The following LHCGR variants were observed in gnomAD, a reference collection of about 807,000 sequenced individuals.
LHCGR encodes the protein lutropin-choriogonadotropic hormone receptor.
Under a neutral mutation model 60.7 loss-of-function variants are expected in LHCGR, and 55 were observed. The ratio of observed to expected loss-of-function variants is 0.91; its 90% CI spans 0.73 to 1.13. The LOEUF is 1.13. Among genes scored for constraint, LHCGR ranks in the 50% most tolerant of loss-of-function variants. The pLI is 0.00. For synonymous variants in LHCGR, 337 were observed against 316.5 expected (o/e 1.06, Z -0.69); for missense variants, 862 against 836.0 (o/e 1.03, Z -0.38).
chr2:48,688,776 G>T lies in LHCGR; in HGVS notation c.1021C>A (p.Pro341Thr). The stretch of plus-strand genomic sequence containing the variant: ...GCATCTGGTTCAGGAGCACATCGGG[G>T]TGTCTTGGGTAAGCAGAAACCATAT... ...YEYGFCLPKTPRCAPEPDAFN... is the reference protein window; with the variant it reads ...YEYGFCLPKTTRCAPEPDAFN... The change falls in exon 11 of 11, where the codon CCC (proline) becomes ACC (threonine). Residue 341 changes from proline to threonine, a missense_variant. Physicochemically the swap from Pro to Thr is conservative, Grantham distance 38 (BLOSUM62 -1). Transcript: ENST00000294954. This position sits in a 1 kb window ranked among gnomAD's most constrained non-coding sequence, Gnocchi z 5.2. 1.2e-6 allele frequency: 2 copies of T among 1,614,128 alleles called. No individual in the cohort carries two copies. Among genetic ancestry groups the T allele is most frequent in the Non-Finnish European group, 1.7e-6 (2 of 1,180,020 alleles).
At chr2:48,751,749 G>T (rs1669965634) in intron 1 of LHCGR, among the ~76,000 whole-genome samples, 1 of 152,180 alleles carries the variant, frequency 6.6e-6, no homozygotes, top group Non-Finnish European at 1.5e-5. Flanking sequence ...AGTAATCATG[G>T]TTTTTGCCAT....
At chr2:48,714,104 A>T (rs745344824) in intron 6 of LHCGR, 50 bp from the exon 7 acceptor site, 2 of 1,353,602 alleles carry the variant, frequency 1.5e-6, no homozygotes, top group African/African-American at 2.9e-5. Context: ...TGAAAGAAAC[A>T]GTTTGGAAAC....
At chr2:48,703,309 T>G (rs1667500084) in intron 8 of LHCGR, among the ~76,000 whole-genome samples, 1 of 152,256 alleles carries the variant, frequency 6.6e-6, no homozygotes. Context: ...TGGCTTTTGT[T>G]GCCATTGCTT....
chr2:48,744,053 GACAA>G (rs1396544412), intron 1 of LHCGR, among the ~76,000 whole-genome samples: 33 of 91,160 alleles, frequency 3.6e-4, no homozygotes, highest in South Asian at 6.4e-4. Flanking sequence ...ACCAACAACA[GACAA>G]ACAGAGAGCC....
rs115273440 is a variant in LHCGR, at chr2:48,719,579, G to C, written c.536+3877C>G. On this transcript the variant is annotated intron_variant, in intron 6 of 10. Coordinates refer to ENST00000294954, the MANE Select transcript of LHCGR (RefSeq NM_000233.4). The stretch of plus-strand genomic sequence containing the variant: ...CTAAATTCTGCTTATTTGGGAAGGA[G>C]GGGCATTTCAAGGTGGCCTCTTGAG... Among the ~76,000 whole-genome samples, 727 of 152,318 alleles carry C rather than the reference G, an allele frequency of 4.8e-3. 4 individuals are homozygous for C. Among genetic ancestry groups the C allele is most frequent in the African/African-American group, 0.016 (675 of 41,566 alleles).
intron 1 of LHCGR, among the ~76,000 whole-genome samples, chr2:48,743,714 A>G (rs1483574310): frequency 6.6e-6 from 1 of 152,140 alleles, no homozygotes; most frequent in Non-Finnish European, 1.5e-5. Context: ...AGAGCTATCT[A>G]TGACAAACCC....
intron 1 of LHCGR, among the ~76,000 whole-genome samples, chr2:48,733,710 A>T (rs1384105102): frequency 2.0e-5 from 3 of 151,820 alleles, no homozygotes; most frequent in African/African-American, 7.3e-5. Context: ...CCATGAGGCA[A>T]CACAGAGAAT....
At chr2:48,737,602 G>C (rs1358985939) in intron 1 of LHCGR, among the ~76,000 whole-genome samples, 5 of 152,186 alleles carry the variant, frequency 3.3e-5, no homozygotes, top group African/African-American at 1.2e-4. Flanking sequence ...CTATTTGGTG[G>C]CTTCATTACA....
chr2:48,709,728 G>A lies in LHCGR; in HGVS notation c.606-706C>T, dbSNP rs1667884182. 2.0e-5 allele frequency among the ~76,000 whole-genome samples: 3 copies of A among 152,188 alleles called. No individual in the cohort carries two copies. The South Asian group carries it at 6.2e-4, about 31-fold the overall frequency. The stretch of plus-strand genomic sequence containing the variant: ...ATGGAAGTAGCTCCCTGAGGGCTCT[G>A]CTGCCTTGAGCTCAAAGTCATTCAG... On this transcript the variant is annotated intron_variant, in intron 7 of 10. Transcript: ENST00000294954.
At chr2:48,700,628 C>T (rs1215002859) in intron 8 of LHCGR, among the ~76,000 whole-genome samples, 1 of 152,188 alleles carries the variant, frequency 6.6e-6, no homozygotes, top group Non-Finnish European at 1.5e-5. Flanking sequence ...AAGTAGATGG[C>T]CAGCTTGCTG....
intron 1 of LHCGR, among the ~76,000 whole-genome samples, chr2:48,745,048 C>T (rs1375170329): frequency 6.6e-6 from 1 of 152,142 alleles, no homozygotes; most frequent in South Asian, 2.1e-4. Flanking sequence ...CATGAACAGA[C>T]ACTTCTCAAA....
At chr2:48,753,540 C>A (rs566970820) in intron 1 of LHCGR, among the ~76,000 whole-genome samples, 138 of 152,284 alleles carry the variant, frequency 9.1e-4, no homozygotes, top group African/African-American at 3.2e-3. Context: ...TACCCCCAAA[C>A]CTAGTCAGCC....
chr2:48,710,077 G>A (rs879871523), intron 7 of LHCGR, among the ~76,000 whole-genome samples: 10 of 152,034 alleles, frequency 6.6e-5, no homozygotes, highest in South Asian at 2.1e-4. Flanking sequence ...CCCATTCCCC[G>A]CCTTCATTGC....
chr2:48,738,603 C>T (rs1669301996), intron 1 of LHCGR, among the ~76,000 whole-genome samples: 1 of 152,190 alleles, frequency 6.6e-6, no homozygotes, highest in African/African-American at 2.4e-5. Context: ...TTGTATCACC[C>T]ACTCTTGCCC....
At chr2:48,720,254 C>T (rs1381229069) in intron 6 of LHCGR, 1 of 152,090 alleles carries the variant, frequency 6.6e-6, no homozygotes, top group Non-Finnish European at 1.5e-5. Flanking sequence ...CGTGGGGTGG[C>T]CCAGTCTTGT....
intron 4 of LHCGR, 39 bp downstream of exon 4, chr2:48,725,637 C>A (rs769979222): frequency 2.8e-5 from 40 of 1,403,858 alleles, no homozygotes; most frequent in Non-Finnish European, 3.9e-5. Context: ...AGATGCCCAT[C>A]TTCCCCTCCC....
chr2:48,747,667 A>T (rs974263415), intron 1 of LHCGR, among the ~76,000 whole-genome samples: 7 of 152,004 alleles, frequency 4.6e-5, no homozygotes, highest in African/African-American at 1.7e-4. Flanking sequence ...GACTCCTTGT[A>T]AATCTAGGGG....
intron 3 of LHCGR, among the ~76,000 whole-genome samples, chr2:48,728,453 A>G (rs552463608): frequency 6.6e-6 from 1 of 152,312 alleles, no homozygotes; most frequent in African/African-American, 2.4e-5. Flanking sequence ...GCGCCTGAGT[A>G]AAAGCAGCAG....
chr2:48,690,149 T>C (rs1680153836), intron 10 of LHCGR, among the ~76,000 whole-genome samples: 1 of 152,194 alleles, frequency 6.6e-6, no homozygotes, highest in Non-Finnish European at 1.5e-5. Context: ...TAATTTCACT[T>C]ATCGAATTCA....
Sources: allele counts gnomAD v4.1 joint callset (sites outside exome capture counted in the v4.1 genomes callset), GRCh38; gene constraint gnomAD v4.1.1; non-coding constraint Gnocchi (gnomAD v3.1); transcripts MANE v1.5; gene names NCBI Gene and HGNC (gene_info 2026-07-23, HGNC 2026-07-21).